The following CDC27 variants were observed in gnomAD, a reference collection of about 807,000 sequenced individuals.
CDC27 encodes cell division cycle 27, also known as cell division cycle protein 27 homolog.
CDC27 carries 27 observed loss-of-function variants against 109.7 expected under a neutral mutation model. That is an observed-to-expected ratio of 0.25 (90% CI 0.18 to 0.34). The LOEUF (loss-of-function observed/expected upper bound fraction) is 0.34. Ranked by LOEUF, CDC27 falls within the 10% of genes least tolerant of loss-of-function variation. CDC27 has a pLI of 1.00. For synonymous variants in CDC27, 266 were observed against 333.9 expected (o/e 0.80, Z 2.22); for missense variants, 579 against 960.2 (o/e 0.60, Z 5.25).
rs2061938074 is a variant in CDC27, at chr17:47,119,419, C to T, written c.*1516G>A. Reference sequence around the variant, plus strand: ...TATAGAAAATTACTGAGTCTACAGACTAAAATTTTTTTCACATCTTTTGTA... The same window carrying T: ...TATAGAAAATTACTGAGTCTACAGATTAAAATTTTTTTCACATCTTTTGTA... On this transcript the variant is annotated 3_prime_UTR_variant, in exon 19 of 19. Coordinates refer to ENST00000066544, the MANE Select transcript of CDC27 (RefSeq NM_001256.6). The T allele has an allele frequency of 1.3e-5, 2 of 152,102 alleles. No homozygotes were observed. Among genetic ancestry groups the T allele is most frequent in the African/African-American group, 4.8e-5 (2 of 41,438 alleles). The allele number at this position is 152,102 out of a possible 1,614,324, so 9.4% of individuals were successfully genotyped here.
chr17:47,131,098 T>TA (rs374649873), intron 15 of CDC27, among the ~76,000 whole-genome samples: 4 of 152,258 alleles, frequency 2.6e-5, no homozygotes, highest in African/African-American at 9.6e-5. Context: ...CTTACTCTCT[T>TA]ACCTGACAAT....
chr17:47,133,719 C>T (rs2062473595), intron 14 of CDC27, among the ~76,000 whole-genome samples: 1 of 152,080 alleles, frequency 6.6e-6, no homozygotes, highest in African/African-American at 2.4e-5. Flanking sequence ...GGTGGGATTA[C>T]AGGCATGAGC....
intron 9 of CDC27, among the ~76,000 whole-genome samples, chr17:47,146,844 T>C (rs1302701757): frequency 6.6e-6 from 1 of 151,950 alleles, no homozygotes; most frequent in Non-Finnish European, 1.5e-5. Context: ...GTGGGAGGAT[T>C]GCTTGAGGCC....
At chr17:47,128,186 A>G (rs2062206891) in intron 16 of CDC27, among the ~76,000 whole-genome samples, 2 of 151,852 alleles carry the variant, frequency 1.3e-5, no homozygotes. Context: ...GCACACCACC[A>G]TGCCTGGCTA....
intron 2 of CDC27, among the ~76,000 whole-genome samples, chr17:47,173,910 T>C (rs963836886): frequency 1.3e-5 from 2 of 152,034 alleles, no homozygotes; most frequent in Non-Finnish European, 2.9e-5. Flanking sequence ...CTGGCCAACA[T>C]GGCGAAACCC....
At chr17:47,130,953 C>A (rs1769768874) in intron 15 of CDC27, among the ~76,000 whole-genome samples, 1 of 151,752 alleles carries the variant, frequency 6.6e-6, no homozygotes, top group Non-Finnish European at 1.5e-5. Flanking sequence ...TAACAAATAT[C>A]ATGGTCATAA....
chr17:47,164,174 T>C (rs2063576052), intron 4 of CDC27, among the ~76,000 whole-genome samples: 1 of 152,208 alleles, frequency 6.6e-6, no homozygotes, highest in South Asian at 2.1e-4. Context: ...TAACATGCTG[T>C]ACAGGTTTGT....
At chr17:47,177,098 C>T (rs2064043189) in intron 2 of CDC27, among the ~76,000 whole-genome samples, 2 of 152,264 alleles carry the variant, frequency 1.3e-5, no homozygotes, top group Admixed American at 1.3e-4. Context: ...CCACTAATCA[C>T]TAAGACAGGT....
intron 3 of CDC27, 54 bp from the exon 4 acceptor site, chr17:47,170,096 GTAAACA>G: frequency 7.4e-7 from 1 of 1,342,646 alleles, no homozygotes; most frequent in South Asian, 1.8e-5. Flanking sequence ...AGCAGTTCAT[GTAAACA>G]TATTCTTCAT....
chr17:47,176,203 C>T (rs1226451234), intron 2 of CDC27, among the ~76,000 whole-genome samples: 1 of 152,056 alleles, frequency 6.6e-6, no homozygotes, highest in African/African-American at 2.4e-5. Flanking sequence ...TGTCCCTGAG[C>T]CACATGCTCA....
chr17:47,162,445 G>C (rs1220183466), intron 4 of CDC27, among the ~76,000 whole-genome samples: 2 of 152,118 alleles, frequency 1.3e-5, no homozygotes, highest in African/African-American at 4.8e-5. Context: ...TCTGAGAATG[G>C]AGAATTAGTC....
chr17:47,130,347 G>A (rs536567281), intron 15 of CDC27, among the ~76,000 whole-genome samples: 66 of 151,640 alleles, frequency 4.4e-4, no homozygotes, highest in Admixed American at 4.0e-3. Flanking sequence ...GCGACAGAGC[G>A]AGACTCCGTC....
chr17:47,160,973 A>G (rs554709674), intron 4 of CDC27: 1 of 152,326 alleles, frequency 6.6e-6, no homozygotes, highest in Admixed American at 6.5e-5. Context: ...ACAAAGTAGG[A>G]AGCAGAAGTA....
rs138897254 is a variant in CDC27 at position 47,149,340 on chromosome 17, G to A, written c.1070+2466C>T. Among the ~76,000 whole-genome samples, 944 of 150,772 alleles carry A rather than the reference G, an allele frequency of 6.3e-3. 3 individuals are homozygous for A. Among genetic ancestry groups the A allele is most frequent in the Non-Finnish European group, 9.2e-3 (620 of 67,616 alleles). On this transcript the variant is annotated intron_variant, in intron 9 of 18. Transcript: ENST00000066544. ...ATCCTGGCCAACATGGTGAAACCCCGTTTCTACTAAAAATACAAAAATTAG... is the reference window on the plus strand; with the variant it reads ...ATCCTGGCCAACATGGTGAAACCCCATTTCTACTAAAAATACAAAAATTAG...
At chr17:47,181,312 A>G (rs1259240694) in intron 2 of CDC27, 10 of 192,206 alleles carry the variant, frequency 5.2e-5, no homozygotes, top group Admixed American at 2.5e-4. Context: ...ACCCTGGGGG[A>G]AAAAAAAACC....
chr17:47,186,449 A>G (rs2092082164), intron 1 of CDC27, among the ~76,000 whole-genome samples: 1 of 152,202 alleles, frequency 6.6e-6, no homozygotes, highest in African/African-American at 2.4e-5. Context: ...CACTTCTGTG[A>G]AGTCTTACCC....
At chr17:47,166,168 T>A (rs2063639340) in intron 4 of CDC27, among the ~76,000 whole-genome samples, 1 of 152,202 alleles carries the variant, frequency 6.6e-6, no homozygotes, top group South Asian at 2.1e-4. Context: ...GAACAGTATT[T>A]CATTTTGGAA....
chr17:47,169,688 A>G, intron 4 of CDC27: 1 of 330,074 alleles, frequency 3.0e-6, no homozygotes, highest in Non-Finnish European at 5.4e-6. Flanking sequence ...AAAACCTAAC[A>G]TGTATGATCA....
intron 16 of CDC27, among the ~76,000 whole-genome samples, chr17:47,127,612 G>A (rs536414051): frequency 1.5e-4 from 22 of 151,598 alleles, no homozygotes; most frequent in Non-Finnish European, 3.1e-4. Flanking sequence ...CAAGTTGGCC[G>A]GGCTGGCCTC....
Sources: allele counts gnomAD v4.1 joint callset (sites outside exome capture counted in the v4.1 genomes callset), GRCh38; gene constraint gnomAD v4.1.1; transcripts MANE v1.5; gene names NCBI Gene and HGNC (gene_info 2026-07-23, HGNC 2026-07-21).